ARHGAP10: variants seen among roughly 807,000 people sequenced by gnomAD.
ARHGAP10 encodes the protein Rho GTPase activating protein 10.
Under a neutral mutation model 108.6 loss-of-function variants are expected in ARHGAP10, and 87 were observed. That is an observed-to-expected ratio of 0.80 (90% CI 0.67 to 0.96). The LOEUF (loss-of-function observed/expected upper bound fraction) is 0.96. ARHGAP10 is among the 40% of genes least tolerant of loss of function. The pLI is 0.00. For synonymous variants in ARHGAP10, 347 were observed against 341.1 expected, an observed-to-expected ratio of 1.02 and a Z score of -0.19; for missense variants, 939 against 954.5, an observed-to-expected ratio of 0.98 and a Z score of 0.21.
chr4:148,064,516 T>G lies in ARHGAP10; in HGVS notation c.2272+9T>G, dbSNP rs765842050. ...AGCAATTTTTGAGGATGGTAAGTGT[T>G]AGTGGGAGCTTCGTCTGTTAATCCT... On this transcript the variant is annotated intron_variant, in intron 22 of 22. Coordinates refer to ENST00000336498, the MANE Select transcript of ARHGAP10 (RefSeq NM_024605.4). The G allele has an allele frequency of 1.4e-5, 23 of 1,611,050 alleles. No homozygotes were observed. In the Admixed American group the frequency reaches 3.8e-4, roughly 27 times the overall value.
At chr4:147,798,116 A>G (rs1390531844) in intron 1 of ARHGAP10, among the ~76,000 whole-genome samples, 2 of 147,792 alleles carry the variant, frequency 1.4e-5, no homozygotes, top group African/African-American at 5.0e-5. Flanking sequence ...TTGCTTTTAC[A>G]TCTCTTCAGT....
intron 10 of ARHGAP10, 89 bp downstream of exon 10, chr4:147,882,021 T>C: frequency 8.3e-7 from 1 of 1,198,790 alleles, no homozygotes; most frequent in Non-Finnish European, 1.2e-6. Context: ...CTGTGATTTC[T>C]GTGGCCTGGG....
intron 13 of ARHGAP10, among the ~76,000 whole-genome samples, chr4:147,933,205 A>G (rs1365201937): frequency 3.3e-5 from 5 of 152,098 alleles, no homozygotes; most frequent in Admixed American, 6.5e-5. Context: ...TATTTCCCTG[A>G]ATGTTCTTTT....
chr4:147,858,995 C>G (rs182615433), intron 5 of ARHGAP10, among the ~76,000 whole-genome samples: 1 of 152,290 alleles, frequency 6.6e-6, no homozygotes, highest in African/African-American at 2.4e-5. Context: ...ATGACTCGCT[C>G]TTCTCCAAAC....
At chr4:147,845,565 C>T (rs943140239) in intron 3 of ARHGAP10, among the ~76,000 whole-genome samples, 2 of 152,236 alleles carry the variant, frequency 1.3e-5, no homozygotes, top group African/African-American at 2.4e-5. Context: ...ACCTACATGA[C>T]TTGGAATCCC....
chr4:147,771,383 A>G (rs1730073107), intron 1 of ARHGAP10, among the ~76,000 whole-genome samples: 1 of 152,194 alleles, frequency 6.6e-6, no homozygotes, highest in African/African-American at 2.4e-5. Flanking sequence ...TAATATTTTG[A>G]TACAGGCATG....
At chr4:148,011,322 T>G (rs1220121242) in intron 18 of ARHGAP10, among the ~76,000 whole-genome samples, 1 of 152,212 alleles carries the variant, frequency 6.6e-6, no homozygotes. Context: ...TTCTCCTTGA[T>G]GTCTAGAGCT....
intron 1 of ARHGAP10, among the ~76,000 whole-genome samples, chr4:147,739,186 C>CA (rs59965552): frequency 0.19 from 13,111 of 69,346 alleles, 1,181 homozygotes; most frequent in African/African-American, 0.35. Flanking sequence ...GACTCTGTCT[C>CA]AAAAAAAAAA....
In ARHGAP10 at chr4:148,046,983, G is replaced by A. The variant is rs200880348; in HGVS notation, c.1959G>A (p.Gly653=). Residue 653 remains glycine, a synonymous_variant, in exon 20 of 23, where the codon GGG becomes GGA. Transcript: ENST00000336498. ...SPSPVTTAVP[G]PPGPDKNHLL... ...CTCCCGTGACTACAGCTGTCCCTGG[G>A]CCTCCTGGACCAGACAAAAACCACC... The A allele has an allele frequency of 1.0e-4, 164 of 1,614,136 alleles. No individual in the cohort carries two copies. The highest frequency in any genetic ancestry group is 1.2e-4 in the Non-Finnish European group (146 of 1,180,014).
chr4:147,933,822 C>T (rs1426541847), intron 13 of ARHGAP10, among the ~76,000 whole-genome samples: 1 of 152,234 alleles, frequency 6.6e-6, no homozygotes, highest in East Asian at 1.9e-4. Flanking sequence ...TTGGTATCTG[C>T]TGTGGGGCAG....
In ARHGAP10 at chr4:147,831,866, T is replaced by A. The variant is rs138326033; in HGVS notation, c.312+8909T>A. Among the ~76,000 whole-genome samples, 9 of 152,264 alleles carry A rather than the reference T, an allele frequency of 5.9e-5. No homozygotes were observed. The East Asian group carries it at 1.7e-3, about 29-fold the overall frequency. On this transcript the variant is annotated intron_variant, in intron 3 of 22. Transcript: ENST00000336498. ...AAGATTATCTTAGGCAGGAGGCCTGTCTCCTTCTTGGACCCCTTTCCCTGC... is the reference window on the plus strand; with the variant it reads ...AAGATTATCTTAGGCAGGAGGCCTGACTCCTTCTTGGACCCCTTTCCCTGC...
intron 15 of ARHGAP10, among the ~76,000 whole-genome samples, chr4:147,954,620 C>T (rs527613694): frequency 2.0e-5 from 3 of 151,874 alleles, no homozygotes; most frequent in Middle Eastern, 3.4e-3. Flanking sequence ...CTGTACAGAC[C>T]GACACTTGTC....
At chr4:148,060,246 A>G (rs1253683890) in intron 20 of ARHGAP10, among the ~76,000 whole-genome samples, 1 of 152,010 alleles carries the variant, frequency 6.6e-6, no homozygotes, top group African/African-American at 2.4e-5. Context: ...TAGGTATTAC[A>G]TTTTAGATGA....
chr4:147,858,437 A>G (rs1734183371), intron 5 of ARHGAP10: 1 of 152,208 alleles, frequency 6.6e-6, no homozygotes, highest in Non-Finnish European at 1.5e-5. Flanking sequence ...ATGACACAGT[A>G]TTAAGTCTTG....
intron 19 of ARHGAP10, among the ~76,000 whole-genome samples, chr4:148,027,430 G>A (rs1292475524): frequency 6.6e-6 from 1 of 152,220 alleles, no homozygotes; most frequent in African/African-American, 2.4e-5. Flanking sequence ...TGTGCTAACT[G>A]CAGCACATTT....
intron 19 of ARHGAP10, among the ~76,000 whole-genome samples, chr4:148,027,526 C>G (rs904054810): frequency 6.6e-5 from 10 of 152,130 alleles, no homozygotes; most frequent in African/African-American, 2.4e-4. Context: ...AATGAAAATA[C>G]TACTGTTGAG....
At chr4:148,001,665 C>T (rs1476285531) in intron 18 of ARHGAP10, among the ~76,000 whole-genome samples, 1 of 151,080 alleles carries the variant, frequency 6.6e-6, no homozygotes, top group African/African-American at 2.4e-5. Context: ...ATTTTATTCT[C>T]TTTGAAGCAA....
At chr4:147,920,183 G>A (rs1300775712) in intron 13 of ARHGAP10, among the ~76,000 whole-genome samples, 2 of 151,808 alleles carry the variant, frequency 1.3e-5, no homozygotes, top group Non-Finnish European at 2.9e-5. Context: ...TTGGGAGGTC[G>A]AGGTGGGTGG....
intron 1 of ARHGAP10, among the ~76,000 whole-genome samples, chr4:147,762,118 C>T (rs983389090): frequency 1.1e-4 from 17 of 152,152 alleles, no homozygotes; most frequent in African/African-American, 3.6e-4. Context: ...AGCTATTCTC[C>T]TGCTTCAGCC....
Sources: allele counts gnomAD v4.1 joint callset (sites outside exome capture counted in the v4.1 genomes callset), GRCh38; gene constraint gnomAD v4.1.1; transcripts MANE v1.5; gene names NCBI Gene and HGNC (gene_info 2026-07-23, HGNC 2026-07-21).